The following ABTB3 variants were observed in gnomAD, a reference collection of about 807,000 sequenced individuals.
ABTB3 encodes ankyrin repeat and BTB domain containing 3, also known as ankyrin repeat- and BTB/POZ domain-containing protein 3.
the ABTB3 span, among the ~76,000 whole-genome samples, chr12:107,339,526 A>T: frequency 6.6e-6 from 1 of 152,148 alleles, no homozygotes; most frequent in Non-Finnish European, 1.5e-5. Context: ...TTTTCCTTAA[A>T]ATGAGTTTTC....
chr12:107,515,275 C>T, the ABTB3 span, among the ~76,000 whole-genome samples: 3 of 152,288 alleles, frequency 2.0e-5, no homozygotes, highest in South Asian at 6.2e-4. Flanking sequence ...TGTTGACTTG[C>T]TGCAAATAGT....
At chr12:107,375,146 G>A in the ABTB3 span, among the ~76,000 whole-genome samples, 2 of 152,160 alleles carry the variant, frequency 1.3e-5, no homozygotes, top group African/African-American at 2.4e-5. Context: ...GCTGGGTGCC[G>A]TGGCTCACGT....
At chr12:107,396,771 C>T in the ABTB3 span, among the ~76,000 whole-genome samples, 1 of 152,116 alleles carries the variant, frequency 6.6e-6, no homozygotes, top group Admixed American at 6.5e-5. Context: ...AGCCAAAATC[C>T]CTCTTGGTAG....
the ABTB3 span, among the ~76,000 whole-genome samples, chr12:107,388,795 G>A: frequency 6.6e-6 from 1 of 152,214 alleles, no homozygotes; most frequent in Non-Finnish European, 1.5e-5. Flanking sequence ...GGTTTGCACA[G>A]TGTCTTACAC....
At chr12:107,469,942 CTCTTTCTTTCTT>C in the ABTB3 span, among the ~76,000 whole-genome samples, 583 of 59,254 alleles carry the variant, frequency 9.8e-3, 33 homozygotes, top group African/African-American at 0.017. Context: ...CTCTTTCTTT[CTCTTTCTTTCTT>C]TCTTTCTTTC....
At chr12:107,487,927 C>T in the ABTB3 span, among the ~76,000 whole-genome samples, 1 of 150,196 alleles carries the variant, frequency 6.7e-6, no homozygotes, top group Non-Finnish European at 1.5e-5. Context: ...AAAGGGGGCC[C>T]GCTTTCAGGT....
the ABTB3 span, among the ~76,000 whole-genome samples, chr12:107,572,581 A>C: frequency 6.6e-6 from 1 of 152,140 alleles, no homozygotes; most frequent in Non-Finnish European, 1.5e-5. Flanking sequence ...GAATTCTTAC[A>C]GTTTTGCTCA....
the ABTB3 span, among the ~76,000 whole-genome samples, chr12:107,607,370 T>C: frequency 6.6e-6 from 1 of 152,178 alleles, no homozygotes; most frequent in Non-Finnish European, 1.5e-5. Flanking sequence ...TGCCATAGAC[T>C]GAAGTCAGGC....
At chr12:107,550,444 A>T in the ABTB3 span, among the ~76,000 whole-genome samples, 1 of 151,778 alleles carries the variant, frequency 6.6e-6, no homozygotes, top group East Asian at 1.9e-4. Context: ...TGGACTCGTA[A>T]TATGGAAAAT....
At chr12:107,453,315 A>C in the ABTB3 span, among the ~76,000 whole-genome samples, 1 of 152,150 alleles carries the variant, frequency 6.6e-6, no homozygotes, top group African/African-American at 2.4e-5. Flanking sequence ...CCAACCCCTA[A>C]ATTTGAATGT....
At chr12:107,407,525 G>T in the ABTB3 span, among the ~76,000 whole-genome samples, 1 of 152,228 alleles carries the variant, frequency 6.6e-6, no homozygotes, top group South Asian at 2.1e-4. Flanking sequence ...TGGCGCTGCA[G>T]AAGTGCAAGA....
the ABTB3 span, among the ~76,000 whole-genome samples, chr12:107,536,985 T>G: frequency 6.6e-6 from 1 of 152,146 alleles, no homozygotes; most frequent in African/African-American, 2.4e-5. Flanking sequence ...TATGATGAAT[T>G]CATCAACAGA....
the ABTB3 span, among the ~76,000 whole-genome samples, chr12:107,413,782 C>G: frequency 6.6e-6 from 1 of 152,170 alleles, no homozygotes; most frequent in Non-Finnish European, 1.5e-5. Context: ...ATGCTGAGTC[C>G]CTCTTAGGGG....
At chr12:107,373,513 T>C in the ABTB3 span, among the ~76,000 whole-genome samples, 1 of 152,126 alleles carries the variant, frequency 6.6e-6, no homozygotes, top group African/African-American at 2.4e-5. Flanking sequence ...AGAGATGATA[T>C]CCATAAAGCA....
the ABTB3 span, among the ~76,000 whole-genome samples, chr12:107,446,807 T>G: frequency 0.011 from 1,681 of 152,296 alleles, 35 homozygotes; most frequent in African/African-American, 0.037. Flanking sequence ...CTTGCTGGCA[T>G]GCTGTGTGGC....
chr12:107,562,275 A>C, the ABTB3 span, among the ~76,000 whole-genome samples: 1 of 152,258 alleles, frequency 6.6e-6, no homozygotes, highest in Non-Finnish European at 1.5e-5. Context: ...GAGAAGTAGC[A>C]TACAGAGAAA....
At chr12:107,367,678 G>A in the ABTB3 span, among the ~76,000 whole-genome samples, 1 of 151,936 alleles carries the variant, frequency 6.6e-6, no homozygotes, top group Admixed American at 6.6e-5. Context: ...CTAATTTTTT[G>A]TATTTTAGTA....
At chr12:107,468,211 G>GA in the ABTB3 span, among the ~76,000 whole-genome samples, 2 of 152,156 alleles carry the variant, frequency 1.3e-5, no homozygotes, top group African/African-American at 4.8e-5. Flanking sequence ...CAAAAAAGGG[G>GA]AAAATCTGAA....
chr12:107,421,665 C>T, the ABTB3 span, among the ~76,000 whole-genome samples: 1 of 152,184 alleles, frequency 6.6e-6, no homozygotes, highest in Non-Finnish European at 1.5e-5. Flanking sequence ...TGGAACCCCA[C>T]TATACAGAAA....
Sources: gnomAD v4.1 joint callset for allele counts (sites outside exome capture counted in the v4.1 genomes callset) on GRCh38, gnomAD v4.1.1 for gene constraint, MANE v1.5 for transcripts, NCBI Gene and HGNC (gene_info 2026-07-23, HGNC 2026-07-21) for gene names.